Variants in NRG3 observed in about 807,000 individuals in gnomAD.
The protein encoded by NRG3 is pro-neuregulin-3, membrane-bound isoform.
In NRG3, 31 loss-of-function variants were observed where a neutral mutation model predicts 66.9. That is an observed-to-expected ratio of 0.46 (90% CI 0.35 to 0.63). The LOEUF (loss-of-function observed/expected upper bound fraction) is 0.63. NRG3 is among the 20% of genes least tolerant of loss of function. The probability of loss-of-function intolerance (pLI) is 0.00; values close to 1 mark genes in which losing one functional copy is unlikely to be tolerated. For synonymous variants in NRG3, 393 were observed against 359.4 expected, an observed-to-expected ratio of 1.09 and a Z score of -1.06; for missense variants, 910 against 878.9, an observed-to-expected ratio of 1.04 and a Z score of -0.45.
intron 1 of NRG3, among the ~76,000 whole-genome samples, chr10:82,295,624 ATTCT>A (rs1034207211): frequency 1.1e-4 from 16 of 152,212 alleles, no homozygotes; most frequent in African/African-American, 3.4e-4. Flanking sequence ...AATAAAGAAA[ATTCT>A]TTCTTCCTGT....
At chr10:82,641,361 T>C (rs1456703465) in intron 2 of NRG3, among the ~76,000 whole-genome samples, 7 of 152,210 alleles carry the variant, frequency 4.6e-5, no homozygotes, top group African/African-American at 1.7e-4. Context: ...TTGTATATAA[T>C]GTCTCATATA....
intron 4 of NRG3, among the ~76,000 whole-genome samples, chr10:82,926,634 A>C (rs997247001): frequency 5.3e-5 from 8 of 152,178 alleles, no homozygotes; most frequent in African/African-American, 1.9e-4. Flanking sequence ...ATTTCTTCCC[A>C]TTTCATTCTC....
At chr10:82,097,870 T>G (rs1220802608) in intron 1 of NRG3, among the ~76,000 whole-genome samples, 1 of 152,112 alleles carries the variant, frequency 6.6e-6, no homozygotes, top group Non-Finnish European at 1.5e-5. Context: ...GTGTTGAACA[T>G]ATGTTTGTGA....
intron 3 of NRG3, among the ~76,000 whole-genome samples, 177 bp downstream of exon 3, chr10:82,738,827 G>A (rs1223633353): frequency 1.3e-5 from 2 of 152,172 alleles, no homozygotes; most frequent in South Asian, 2.1e-4. Flanking sequence ...GCTCAGTCTA[G>A]GTCTTCTCTG....
At chr10:81,961,446 C>T (rs984996506) in intron 1 of NRG3, among the ~76,000 whole-genome samples, 1 of 148,090 alleles carries the variant, frequency 6.8e-6, no homozygotes, top group African/African-American at 2.5e-5. Context: ...TGACCAGGCT[C>T]TAGCATAGAA....
chr10:82,003,528 A>G (rs2061254830), intron 1 of NRG3, among the ~76,000 whole-genome samples: 1 of 152,190 alleles, frequency 6.6e-6, no homozygotes, highest in African/African-American at 2.4e-5. Context: ...AGGTTGCTGG[A>G]AAACCAGGAG....
At chr10:82,093,897 G>T (rs977353861) in intron 1 of NRG3, among the ~76,000 whole-genome samples, 10 of 152,124 alleles carry the variant, frequency 6.6e-5, no homozygotes, top group East Asian at 5.8e-4. Context: ...ACTGTCCTTG[G>T]TTTGAGACAC....
Position 82,279,377 on chromosome 10 carries a change from T to C in NRG3, c.824-79362T>C, listed in dbSNP as rs146495816. Among the ~76,000 whole-genome samples the C allele has an allele frequency of 6.0e-3, 916 of 152,284 alleles. 4 individuals are homozygous for C. The highest frequency in any genetic ancestry group is 0.013 in the Admixed American group (195 of 15,276). Reference sequence around the variant, plus strand: ...TTGTTTGCAATCCTTTTTTAAAGTTTACCTAAAAAGAAACCATAAAAAGCC... The same window carrying C: ...TTGTTTGCAATCCTTTTTTAAAGTTCACCTAAAAAGAAACCATAAAAAGCC... On this transcript the variant is annotated intron_variant, in intron 1 of 8. Coordinates refer to ENST00000372141, the MANE Select transcript of NRG3 (RefSeq NM_001010848.4).
intron 2 of NRG3, among the ~76,000 whole-genome samples, chr10:82,719,170 A>G (rs2057148153): frequency 6.6e-6 from 1 of 152,096 alleles, no homozygotes; most frequent in African/African-American, 2.4e-5. Flanking sequence ...GTGCACATGC[A>G]GTTGTGTGAG....
At chr10:82,121,039 T>C (rs571002037) in intron 1 of NRG3, among the ~76,000 whole-genome samples, 2 of 152,278 alleles carry the variant, frequency 1.3e-5, no homozygotes, top group Admixed American at 6.5e-5. Flanking sequence ...CCCACTGCCA[T>C]GATGTAATAT....
chr10:82,839,530 A>G (rs112896846), intron 3 of NRG3, among the ~76,000 whole-genome samples: 1,613 of 151,634 alleles, frequency 0.011, 31 homozygotes, highest in African/African-American at 0.036. Flanking sequence ...ATAAGTATTT[A>G]TTTTCTTTTA....
intron 3 of NRG3, among the ~76,000 whole-genome samples, chr10:82,820,795 T>G (rs1412118987): frequency 1.3e-5 from 2 of 152,220 alleles, no homozygotes; most frequent in African/African-American, 2.4e-5. Context: ...ACATCAACTC[T>G]TAGCATACAT....
intron 2 of NRG3, among the ~76,000 whole-genome samples, chr10:82,615,889 C>T (rs554904264): frequency 4.6e-5 from 7 of 152,266 alleles, no homozygotes; most frequent in South Asian, 2.1e-4. Context: ...GATTACCTGA[C>T]CTTTTCTTGC....
chr10:81,961,144 T>G (rs1850320401), intron 1 of NRG3, among the ~76,000 whole-genome samples: 1 of 152,186 alleles, frequency 6.6e-6, no homozygotes, highest in Non-Finnish European at 1.5e-5. Context: ...TTTGGAAATG[T>G]GGTGGCAAAT....
intron 3 of NRG3, among the ~76,000 whole-genome samples, chr10:82,838,057 C>T (rs1308502211): frequency 3.3e-5 from 5 of 152,150 alleles, no homozygotes; most frequent in Non-Finnish European, 7.4e-5. Flanking sequence ...AGTGTCTGCA[C>T]ACACCATCAT....
intron 1 of NRG3, among the ~76,000 whole-genome samples, chr10:82,154,696 A>G (rs770078858): frequency 6.6e-6 from 1 of 151,826 alleles, no homozygotes; most frequent in Non-Finnish European, 1.5e-5. Context: ...CTTCTAATCC[A>G]TAAGCACGGG....
intron 4 of NRG3, among the ~76,000 whole-genome samples, chr10:82,943,287 AAG>A (rs1418565390): frequency 1.8e-4 from 27 of 152,244 alleles, no homozygotes; most frequent in African/African-American, 6.3e-4. Context: ...ATAAGAGGAT[AAG>A]AACAGTTGCA....
At chr10:81,947,059 G>A (rs1848907856) in intron 1 of NRG3, among the ~76,000 whole-genome samples, 1 of 152,124 alleles carries the variant, frequency 6.6e-6, no homozygotes, top group African/African-American at 2.4e-5. Context: ...GCAGTGCCAT[G>A]CTGTCTCTGA....
intron 4 of NRG3, among the ~76,000 whole-genome samples, chr10:82,877,089 T>C (rs1841896532): frequency 6.6e-6 from 1 of 152,104 alleles, no homozygotes; most frequent in African/African-American, 2.4e-5. Context: ...AATTGTTTTT[T>C]ATATCCAATT....
Sources: gnomAD v4.1 joint callset for allele counts (sites outside exome capture counted in the v4.1 genomes callset) on GRCh38, gnomAD v4.1.1 for gene constraint, MANE v1.5 for transcripts, NCBI Gene and HGNC (gene_info 2026-07-23, HGNC 2026-07-21) for gene names.